Variants in KAZN observed in about 807,000 individuals in gnomAD.
KAZN encodes kazrin.
In KAZN, 40 loss-of-function variants were observed where a neutral mutation model predicts 87.4. The observed-to-expected ratio is 0.46, with a 90% CI of 0.36 to 0.60. KAZN has a LOEUF of 0.60. Ranked by LOEUF, KAZN falls within the 20% of genes least tolerant of loss-of-function variation. The pLI, the probability that KAZN is intolerant of heterozygous loss-of-function variation, is 0.00. For synonymous variants in KAZN, 466 were observed against 458.3 expected (o/e 1.02, Z -0.22); for missense variants, 898 against 1,073.9 (o/e 0.84, Z 2.29).
intron 2 of KAZN, among the ~76,000 whole-genome samples, chr1:14,228,068 A>C (rs547647779): frequency 3.7e-4 from 57 of 152,238 alleles, no homozygotes; most frequent in African/African-American, 1.3e-3. Context: ...TACTTGGTGC[A>C]TTGCTTATAG....
intron 1 of KAZN, among the ~76,000 whole-genome samples, chr1:14,771,117 GC>G (rs1318984742): frequency 6.6e-6 from 1 of 152,132 alleles, no homozygotes; most frequent in Admixed American, 6.5e-5. Context: ...AGAATGATTC[GC>G]TGTGATCATT....
chr1:14,229,394 G>A (rs1647597314), intron 2 of KAZN, among the ~76,000 whole-genome samples: 1 of 152,246 alleles, frequency 6.6e-6, no homozygotes, highest in East Asian at 1.9e-4. Flanking sequence ...AAGTGTTATT[G>A]AGGTGTTATT....
At chr1:14,390,238 G>A (rs1020951572) in intron 2 of KAZN, among the ~76,000 whole-genome samples, 1 of 152,176 alleles carries the variant, frequency 6.6e-6, no homozygotes, top group Non-Finnish European at 1.5e-5. Context: ...GAAGCAGTGA[G>A]TAAAACATAC....
At chr1:14,891,964 A>G (rs1462755000) in intron 1 of KAZN, among the ~76,000 whole-genome samples, 3 of 152,130 alleles carry the variant, frequency 2.0e-5, no homozygotes, top group Admixed American at 6.5e-5. Flanking sequence ...GGAGTCTTAC[A>G]TCTGGCCCTG....
chr1:14,861,239 A>C (rs1001870688), intron 1 of KAZN, among the ~76,000 whole-genome samples: 8 of 152,192 alleles, frequency 5.3e-5, no homozygotes, highest in Non-Finnish European at 1.0e-4. Flanking sequence ...TTAGCTGGGT[A>C]CGGTGACTCA....
At chr1:14,514,610 T>TAATATATGAA (rs1671197519) in intron 2 of KAZN, among the ~76,000 whole-genome samples, 2 of 33,874 alleles carry the variant, frequency 5.9e-5, no homozygotes, top group African/African-American at 1.3e-4. Context: ...TATATATATA[T>TAATATATGAA]ATATATATAT....
chr1:14,960,664 C>A lies in KAZN; in HGVS notation c.227-20C>A. 6.4e-7 allele frequency: 1 copy of A among 1,555,266 alleles called. No individual in the cohort carries two copies. The highest frequency in any genetic ancestry group is 2.4e-5 in the East Asian group (1 of 41,474). ...GGCAGAGACGTTCCTGTCCTCTAAC[C>A]CTGTGCCCTTCTCCCCTAGTGCTCC... On this transcript the variant is annotated intron_variant, in intron 1 of 14. Transcript: ENST00000376030.
chr1:15,005,107 A>T (rs7539545), intron 2 of KAZN, among the ~76,000 whole-genome samples: 80,647 of 152,008 alleles, frequency 0.53, 23,448 homozygotes, highest in African/African-American at 0.79. Context: ...CCATGGCCGA[A>T]CTTCATCCCA....
At chr1:14,423,621 G>A (rs1665554005) in intron 2 of KAZN, among the ~76,000 whole-genome samples, 1 of 152,112 alleles carries the variant, frequency 6.6e-6, no homozygotes. Context: ...AAGCACTACT[G>A]GATCCAAATC....
chr1:14,462,535 G>A (rs1003422896), intron 2 of KAZN, among the ~76,000 whole-genome samples: 1 of 152,134 alleles, frequency 6.6e-6, no homozygotes, highest in Non-Finnish European at 1.5e-5. Flanking sequence ...CTTAGCCTGG[G>A]AGAGTTTTTG....
At chr1:14,631,236 G>A (rs575550783) in intron 1 of KAZN, among the ~76,000 whole-genome samples, 28 of 152,294 alleles carry the variant, frequency 1.8e-4, no homozygotes, top group African/African-American at 3.6e-4. Context: ...TTAAAAGGGC[G>A]GAGCTGCCAC....
At chr1:14,359,377 G>C (rs1214196175) in intron 2 of KAZN, among the ~76,000 whole-genome samples, 1 of 151,946 alleles carries the variant, frequency 6.6e-6, no homozygotes, top group Non-Finnish European at 1.5e-5. Flanking sequence ...GATGGGTCTT[G>C]ACTCTTTATC....
chr1:15,054,891 C>T (rs993132119), intron 4 of KAZN, among the ~76,000 whole-genome samples: 1 of 152,250 alleles, frequency 6.6e-6, no homozygotes, highest in African/African-American at 2.4e-5. Context: ...GGGCTCCCTC[C>T]TGTCCTACAT....
At chr1:14,211,197 C>T (rs541617269) in intron 2 of KAZN, among the ~76,000 whole-genome samples, 1 of 152,214 alleles carries the variant, frequency 6.6e-6, no homozygotes, top group African/African-American at 2.4e-5. Context: ...GTCCACAATT[C>T]AAACCTATCT....
intron 1 of KAZN, among the ~76,000 whole-genome samples, chr1:14,834,635 A>G (rs1647166076): frequency 6.6e-6 from 1 of 152,186 alleles, no homozygotes; most frequent in Admixed American, 6.5e-5. Context: ...TGCTGGGATT[A>G]CAGGCGTGAG....
chr1:14,590,374 G>T (rs568278543), intron 2 of KAZN, among the ~76,000 whole-genome samples: 19 of 152,288 alleles, frequency 1.2e-4, no homozygotes, highest in Non-Finnish European at 2.4e-4. Flanking sequence ...AAGGGGATTG[G>T]GTTGGAAGGG....
chr1:13,912,760 C>T (rs1461759168), intron 1 of KAZN, among the ~76,000 whole-genome samples: 1 of 152,066 alleles, frequency 6.6e-6, no homozygotes, highest in Non-Finnish European at 1.5e-5. Flanking sequence ...TGCAGCACCA[C>T]ACCTGGCTAA....
intron 1 of KAZN, among the ~76,000 whole-genome samples, chr1:14,834,406 G>C (rs1249486659): frequency 7.0e-6 from 1 of 142,828 alleles, no homozygotes; most frequent in Non-Finnish European, 1.5e-5. Flanking sequence ...CTGTCACCCA[G>C]GCTGGAGTGC....
rs566632771 is a variant in KAZN, at chr1:14,635,580, A to G, written c.226+36357A>G. On this transcript the variant is annotated intron_variant, in intron 1 of 14. Transcript: ENST00000376030. ...GACTGCTACTGCTGCTGCTGTTACCAATGATGATGTCTCTTAGGCTGCCCC... is the reference window on the plus strand; with the variant it reads ...GACTGCTACTGCTGCTGCTGTTACCGATGATGATGTCTCTTAGGCTGCCCC... 2.0e-5 allele frequency among the ~76,000 whole-genome samples: 3 copies of G among 152,246 alleles called. No individual in the cohort carries two copies. The South Asian group carries it at 6.2e-4, about 32-fold the overall frequency.
Sources: allele counts gnomAD v4.1 joint callset (sites outside exome capture counted in the v4.1 genomes callset), GRCh38; gene constraint gnomAD v4.1.1; transcripts MANE v1.5; gene names NCBI Gene and HGNC (gene_info 2026-07-23, HGNC 2026-07-21).